The following EMSY variants were observed in gnomAD, a reference collection of about 807,000 sequenced individuals.
EMSY encodes the protein BRCA2-interacting transcriptional repressor EMSY.
EMSY carries 26 observed loss-of-function variants against 134.6 expected under a neutral mutation model. The ratio of observed to expected loss-of-function variants is 0.19; its 90% CI spans 0.14 to 0.27. The LOEUF (loss-of-function observed/expected upper bound fraction) is 0.27, where lower values mean the gene tolerates loss of function less well. Among genes scored for constraint, EMSY ranks in the 10% least tolerant of loss-of-function variants. EMSY has a pLI of 1.00. For missense variants in EMSY, 1,305 were observed against 1,611.4 expected, an observed-to-expected ratio of 0.81 and a Z score of 3.26; for synonymous variants, 579 against 577.8, an observed-to-expected ratio of 1.00 and a Z score of -0.03.
intron 12 of EMSY, among the ~76,000 whole-genome samples, chr11:76,526,170 T>C (rs1950840117): frequency 6.6e-6 from 1 of 152,188 alleles, no homozygotes; most frequent in Admixed American, 6.5e-5. Context: ...TTATAATATA[T>C]GTATTCCATT....
exon 21 of EMSY, chr11:76,550,268 C>A: frequency 1.5e-6 from 1 of 679,538 alleles, no homozygotes; most frequent in Non-Finnish European, 2.1e-6. Context: ...CCTAAAACAG[C>A]AGTGTTTCAA....
At chr11:76,487,305 C>T (rs1949227631) in intron 8 of EMSY, among the ~76,000 whole-genome samples, 1 of 152,118 alleles carries the variant, frequency 6.6e-6, no homozygotes, top group African/African-American at 2.4e-5. Context: ...TTCTTATTAC[C>T]TAAAAACAAA....
chr11:76,495,389 G>A (rs1949613158), intron 8 of EMSY, among the ~76,000 whole-genome samples: 1 of 152,170 alleles, frequency 6.6e-6, no homozygotes. Flanking sequence ...GGTTCTCTCA[G>A]TTAGGAATAT....
At chr11:76,483,721 C>T (rs1172638282) in intron 8 of EMSY, among the ~76,000 whole-genome samples, 1 of 152,066 alleles carries the variant, frequency 6.6e-6, no homozygotes, top group Non-Finnish European at 1.5e-5. Flanking sequence ...TATATGCACC[C>T]AATACAGGAG....
chr11:76,537,941 A>C (rs757484530), exon 16 of EMSY: 8 of 1,610,354 alleles, frequency 5.0e-6, no homozygotes, highest in Non-Finnish European at 3.4e-6. Flanking sequence ...AGCTGAATAC[A>C]TCACTACTGG....
At chr11:76,519,051 T>C (rs1950555946) in intron 11 of EMSY, among the ~76,000 whole-genome samples, 1 of 151,610 alleles carries the variant, frequency 6.6e-6, no homozygotes, top group Non-Finnish European at 1.5e-5. Flanking sequence ...ACTATCTTTG[T>C]AGTTGATTCA....
intron 8 of EMSY, among the ~76,000 whole-genome samples, chr11:76,476,582 C>G (rs1286434750): frequency 6.6e-6 from 1 of 152,162 alleles, no homozygotes; most frequent in African/African-American, 2.4e-5. Context: ...TTTTTGATGT[C>G]TATCAATATA....
At chr11:76,529,248 C>A (rs1590985535) in intron 14 of EMSY, among the ~76,000 whole-genome samples, 1 of 152,110 alleles carries the variant, frequency 6.6e-6, no homozygotes, top group African/African-American at 2.4e-5. Flanking sequence ...TGCATCTAAG[C>A]AAAGCTGTTT....
intron 9 of EMSY, among the ~76,000 whole-genome samples, chr11:76,498,607 TA>T (rs1361002567): frequency 7.0e-6 from 1 of 142,754 alleles, no homozygotes; most frequent in Non-Finnish European, 1.6e-5. Flanking sequence ...ATTAATTCTC[TA>T]TTTTTTTTAA....
At chr11:76,532,073 T>A (rs760254930) in intron 14 of EMSY, among the ~76,000 whole-genome samples, 1 of 152,196 alleles carries the variant, frequency 6.6e-6, no homozygotes, top group Non-Finnish European at 1.5e-5. Context: ...GCTTTGTACA[T>A]CAGCTCTTTT....
intron 8 of EMSY, among the ~76,000 whole-genome samples, chr11:76,473,727 C>T (rs1457393353): frequency 5.9e-5 from 9 of 152,020 alleles, no homozygotes; most frequent in Non-Finnish European, 8.8e-5. Flanking sequence ...CAGTGGCTCA[C>T]GCCTGTAATC....
At chr11:76,466,462 T>A (rs929545471) in intron 7 of EMSY, among the ~76,000 whole-genome samples, 6 of 152,176 alleles carry the variant, frequency 3.9e-5, no homozygotes, top group Non-Finnish European at 8.8e-5. Context: ...TTTGACCTTA[T>A]AGGTTTATGT....
intron 2 of EMSY, among the ~76,000 whole-genome samples, chr11:76,450,057 CTTTT>C (rs11334942): frequency 3.8e-5 from 5 of 131,004 alleles, no homozygotes; most frequent in Admixed American, 1.5e-4. Flanking sequence ...TGTACATTTG[CTTTT>C]TTTTTTTTTT....
At chr11:76,516,838 C>A (rs1189088679) in intron 11 of EMSY, 1 of 152,156 alleles carries the variant, frequency 6.6e-6, no homozygotes, top group Non-Finnish European at 1.5e-5. Flanking sequence ...TATTTGAATA[C>A]TTTATTTGCC....
intron 6 of EMSY, among the ~76,000 whole-genome samples, chr11:76,463,288 A>C (rs1948202500): frequency 1.3e-5 from 2 of 150,632 alleles, no homozygotes; most frequent in African/African-American, 4.9e-5. Flanking sequence ...ACACCACTGC[A>C]CTCCAGCCTG....
At position 76,462,500 on chromosome 11, in the gene EMSY, T is replaced by A. The variant is rs149425728; in HGVS notation, c.572-1321T>A. ...TTACTAATGGGAGATATGTAGACAA[T>A]CACATTGCCATCTGGTAAGTGGTAC... On this transcript the variant is annotated intron_variant, in intron 6 of 20. Coordinates refer to ENST00000334736, the Ensembl canonical transcript of EMSY. Among the ~76,000 whole-genome samples, 5 of 152,308 alleles carry A rather than the reference T, an allele frequency of 3.3e-5. No homozygotes were observed. In the East Asian group the frequency reaches 9.6e-4, roughly 29 times the overall value.
intron 14 of EMSY, among the ~76,000 whole-genome samples, chr11:76,531,657 A>G (rs1951044900): frequency 6.6e-6 from 1 of 152,146 alleles, no homozygotes; most frequent in Non-Finnish European, 1.5e-5. Context: ...TCCCTTTCAG[A>G]TTAATTGTAA....
At chr11:76,448,134 A>T (rs1160737102) in intron 2 of EMSY, among the ~76,000 whole-genome samples, 1 of 152,164 alleles carries the variant, frequency 6.6e-6, no homozygotes, top group Non-Finnish European at 1.5e-5. Context: ...AACAGTATAC[A>T]TAAAGGGCCC....
At chr11:76,537,034 T>G (rs1324138799) in intron 15 of EMSY, among the ~76,000 whole-genome samples, 2 of 152,250 alleles carry the variant, frequency 1.3e-5, no homozygotes, top group Admixed American at 6.5e-5. Flanking sequence ...GCATTTAATG[T>G]AAGTCTTTGG....
Sources: allele counts gnomAD v4.1 joint callset (sites outside exome capture counted in the v4.1 genomes callset), GRCh38; gene constraint gnomAD v4.1.1; transcripts MANE v1.5; gene names NCBI Gene and HGNC (gene_info 2026-07-23, HGNC 2026-07-21).